Variants in NAALADL2 observed in about 807,000 individuals in gnomAD.
NAALADL2 encodes the protein N-acetylated alpha-linked acidic dipeptidase like 2, also known as inactive N-acetylated-alpha-linked acidic dipeptidase-like protein 2.
In NAALADL2, 76 loss-of-function variants were observed where a neutral mutation model predicts 87.2. The ratio of observed to expected loss-of-function variants is 0.87; its 90% CI spans 0.72 to 1.05. NAALADL2 has a LOEUF of 1.05. Among genes scored for constraint, NAALADL2 ranks in the 50% least tolerant of loss-of-function variants. The pLI, the probability that NAALADL2 is intolerant of heterozygous loss-of-function variation, is 0.00. For synonymous variants in NAALADL2, 354 were observed against 331.0 expected (o/e 1.07, Z -0.75); for missense variants, 1,089 against 945.8 (o/e 1.15, Z -1.99).
intron 1 of NAALADL2, among the ~76,000 whole-genome samples, chr3:174,466,004 G>T (rs1034309010): frequency 6.6e-6 from 1 of 152,166 alleles, no homozygotes; most frequent in Non-Finnish European, 1.5e-5. Context: ...CACAGTGGTG[G>T]TAGAGTAGTC....
chr3:174,608,655 A>C (rs1167322294), intron 2 of NAALADL2, among the ~76,000 whole-genome samples: 24 of 152,110 alleles, frequency 1.6e-4, no homozygotes, highest in Non-Finnish European at 4.4e-5. Context: ...AGGCTCTGAA[A>C]TTGTGGCAAT....
rs1449009202 is a variant in NAALADL2 at position 174,751,997 on chromosome 3, AGACACAGTCTCGCTCTGTTG to A, written c.-9+14252_-9+14271del. ...TTTTCTTTTTCTTTTTATTTTTTTTAGACACAGTCTCGCTCTGTTGCCCAGGCTGGAGTGCAGTGGCGTGA... is the reference window on the plus strand; with the variant it reads ...TTTTCTTTTTCTTTTTATTTTTTTTACCCAGGCTGGAGTGCAGTGGCGTGA... On this transcript the variant is annotated intron_variant, in intron 3 of 3. Coordinates refer to the NAALADL2 transcript ENST00000434257. Among the ~76,000 whole-genome samples the A allele has an allele frequency of 1.4e-4, 22 of 151,854 alleles. No homozygotes were observed. In the Middle Eastern group the frequency reaches 0.01, roughly 70 times the overall value.
At chr3:174,959,618 G>A (rs571827823) in intron 1 of NAALADL2, among the ~76,000 whole-genome samples, 2 of 152,010 alleles carry the variant, frequency 1.3e-5, no homozygotes, top group African/African-American at 2.4e-5. Flanking sequence ...AAATTGCAAA[G>A]ATTAACATGT....
chr3:175,260,039 C>A (rs1008700479), intron 4 of NAALADL2, among the ~76,000 whole-genome samples: 4 of 152,146 alleles, frequency 2.6e-5, no homozygotes, highest in Middle Eastern at 3.4e-3. Flanking sequence ...AAAAAAAATT[C>A]TAACTGTGCT....
At chr3:174,604,753 T>C (rs1560085778) in intron 2 of NAALADL2, among the ~76,000 whole-genome samples, 1 of 151,882 alleles carries the variant, frequency 6.6e-6, no homozygotes, top group East Asian at 1.9e-4. Flanking sequence ...TGTTTTGTTC[T>C]TTTCTTTTCT....
At chr3:175,530,388 C>G (rs952047436) in intron 9 of NAALADL2, among the ~76,000 whole-genome samples, 2 of 152,204 alleles carry the variant, frequency 1.3e-5, no homozygotes, top group Non-Finnish European at 2.9e-5. Context: ...TGGCTACAGC[C>G]CATGAATCAG....
At chr3:175,721,171 T>C (rs1742185302) in intron 11 of NAALADL2, among the ~76,000 whole-genome samples, 1 of 152,112 alleles carries the variant, frequency 6.6e-6, no homozygotes, top group Non-Finnish European at 1.5e-5. Flanking sequence ...CTCTAGACTT[T>C]GTTAGTCAAC....
At chr3:174,988,360 T>C (rs569854588) in intron 1 of NAALADL2, among the ~76,000 whole-genome samples, 1 of 152,324 alleles carries the variant, frequency 6.6e-6, no homozygotes, top group Admixed American at 6.5e-5. Context: ...AGTCAGGACT[T>C]ATATTACTTA....
chr3:175,445,500 G>T (rs369562809), intron 5 of NAALADL2, among the ~76,000 whole-genome samples: 1 of 151,782 alleles, frequency 6.6e-6, no homozygotes, highest in African/African-American at 2.4e-5. Flanking sequence ...CCTTCTGCTC[G>T]GTTATGTGTT....
chr3:175,688,748 T>G (rs1414755600), intron 11 of NAALADL2, among the ~76,000 whole-genome samples: 2 of 152,088 alleles, frequency 1.3e-5, no homozygotes, highest in African/African-American at 2.4e-5. Flanking sequence ...TGGGGAAAAG[T>G]GTCTTCAAGG....
chr3:174,713,308 G>A (rs914017115), intron 2 of NAALADL2, among the ~76,000 whole-genome samples: 27 of 152,028 alleles, frequency 1.8e-4, no homozygotes, highest in African/African-American at 6.5e-4. Flanking sequence ...TAGTCCTTTG[G>A]GTATATACCC....
intron 11 of NAALADL2, among the ~76,000 whole-genome samples, chr3:175,668,360 A>G (rs192907150): frequency 1.3e-5 from 2 of 152,266 alleles, no homozygotes; most frequent in East Asian, 3.9e-4. Flanking sequence ...GTTTATTATG[A>G]TAACCTTAAG....
intron 3 of NAALADL2, among the ~76,000 whole-genome samples, chr3:174,757,841 T>G (rs1712335752): frequency 6.6e-6 from 1 of 152,146 alleles, no homozygotes; most frequent in Non-Finnish European, 1.5e-5. Context: ...ACATCTAGTT[T>G]ACAGCAAAAA....
At chr3:175,639,873 T>G (rs1041403248) in intron 11 of NAALADL2, among the ~76,000 whole-genome samples, 44 of 152,134 alleles carry the variant, frequency 2.9e-4, no homozygotes, top group African/African-American at 1.0e-3. Context: ...TGTATCTGCT[T>G]GTAGAGTTTA....
At chr3:175,199,203 A>G (rs1245076686) in intron 2 of NAALADL2, among the ~76,000 whole-genome samples, 1 of 152,136 alleles carries the variant, frequency 6.6e-6, no homozygotes, top group Non-Finnish European at 1.5e-5. Context: ...ATGACATTGA[A>G]GGTGGACTGT....
At chr3:175,231,302 A>G (rs929792641) in intron 2 of NAALADL2, among the ~76,000 whole-genome samples, 5 of 151,936 alleles carry the variant, frequency 3.3e-5, no homozygotes. Flanking sequence ...TCTTCTTCAT[A>G]ACCTGGGTGG....
intron 9 of NAALADL2, among the ~76,000 whole-genome samples, chr3:175,504,802 G>GTT (rs1434527780): frequency 6.6e-6 from 1 of 152,104 alleles, no homozygotes; most frequent in African/African-American, 2.4e-5. Context: ...GATAATAGTA[G>GTT]TAATATCTAG....
chr3:174,528,190 C>T (rs1560032790), intron 1 of NAALADL2, among the ~76,000 whole-genome samples: 1 of 152,114 alleles, frequency 6.6e-6, no homozygotes, highest in Non-Finnish European at 1.5e-5. Flanking sequence ...ATTTTCTCCT[C>T]TAGATTTAAT....
chr3:175,092,939 T>C (rs1036733478), intron 1 of NAALADL2, among the ~76,000 whole-genome samples: 4 of 151,892 alleles, frequency 2.6e-5, no homozygotes, highest in Admixed American at 1.3e-4. Context: ...TGGCACAATA[T>C]AACATGTAAG....
Sources: gnomAD v4.1 joint callset for allele counts (sites outside exome capture counted in the v4.1 genomes callset) on GRCh38, gnomAD v4.1.1 for gene constraint, MANE v1.5 for transcripts, NCBI Gene and HGNC (gene_info 2026-07-23, HGNC 2026-07-21) for gene names.